The following ADGRA3 variants were observed in gnomAD, a reference collection of about 807,000 sequenced individuals.
ADGRA3 encodes adhesion G protein-coupled receptor A3.
ADGRA3 carries 56 observed loss-of-function variants against 119.8 expected under a neutral mutation model. That is an observed-to-expected ratio of 0.47 (90% CI 0.38 to 0.58). The LOEUF is 0.58. Ranked by LOEUF, ADGRA3 falls within the 20% of genes least tolerant of loss-of-function variation. The pLI is 0.00. For synonymous variants in ADGRA3, 607 were observed against 623.8 expected (o/e 0.97, Z 0.40); for missense variants, 1,516 against 1,649.0 (o/e 0.92, Z 1.40).
rs892833482 is a variant in ADGRA3 at position 22,493,632 on chromosome 4, AG to A, written c.258-19790del. Among the ~76,000 whole-genome samples the A allele has an allele frequency of 3.3e-5, 5 of 152,278 alleles. No homozygotes were observed. The East Asian group carries it at 9.7e-4, about 29-fold the overall frequency. On this transcript the variant is annotated intron_variant, in intron 1 of 18. Coordinates refer to ENST00000334304, the MANE Select transcript of ADGRA3 (RefSeq NM_145290.4). ...GTAAAGCACTAGGACTTTTTACCGAAGGTGGGGCCTAGCAATCTGTTTTAAC... is the reference window on the plus strand; with the variant it reads ...GTAAAGCACTAGGACTTTTTACCGAAGTGGGGCCTAGCAATCTGTTTTAAC...
intron 3 of ADGRA3, among the ~76,000 whole-genome samples, chr4:22,455,543 CAATT>C (rs1252156493): frequency 6.6e-6 from 1 of 152,056 alleles, no homozygotes; most frequent in Admixed American, 6.5e-5. Flanking sequence ...TGATATGGCC[CAATT>C]ATTTTTGCAA....
chr4:22,433,104 C>T (rs190238471), intron 10 of ADGRA3, among the ~76,000 whole-genome samples: 6 of 152,210 alleles, frequency 3.9e-5, no homozygotes, highest in South Asian at 2.1e-4. Context: ...CTGCATCACA[C>T]GCAATATTAT....
At chr4:22,423,524 C>G (rs1000764121) in intron 11 of ADGRA3, among the ~76,000 whole-genome samples, 1 of 152,258 alleles carries the variant, frequency 6.6e-6, no homozygotes, top group African/African-American at 2.4e-5. Flanking sequence ...TATTCACCAC[C>G]TTTTTAGGAC....
intron 12 of ADGRA3, chr4:22,414,378 A>G (rs544872319): frequency 1.3e-4 from 53 of 413,504 alleles, no homozygotes; most frequent in Admixed American, 2.5e-4. Flanking sequence ...AAAAATAATA[A>G]CACATAGGAA....
intron 2 of ADGRA3, among the ~76,000 whole-genome samples, chr4:22,472,495 C>T (rs1717891998): frequency 6.6e-6 from 1 of 152,112 alleles, no homozygotes; most frequent in African/African-American, 2.4e-5. Flanking sequence ...TAAAGTGCTA[C>T]TACCGTGCCA....
intron 16 of ADGRA3, among the ~76,000 whole-genome samples, chr4:22,399,628 AC>A (rs1714526956): frequency 6.6e-6 from 1 of 151,960 alleles, no homozygotes; most frequent in Non-Finnish European, 1.5e-5. Context: ...CCTCTGTTGT[AC>A]ATCAAAGTTC....
intron 15 of ADGRA3, among the ~76,000 whole-genome samples, chr4:22,401,949 G>C (rs1322649306): frequency 6.6e-6 from 1 of 151,982 alleles, no homozygotes; most frequent in African/African-American, 2.4e-5. Context: ...TTGACCCACT[G>C]GCGCAGGTCT....
chr4:22,515,899 G>T lies in ADGRA3; in HGVS notation c.-115C>A. 1.5e-6 allele frequency: 1 copy of T among 678,526 alleles called. No homozygotes were observed. Among genetic ancestry groups the T allele is most frequent in the South Asian group, 6.3e-5 (1 of 15,758 alleles). The allele number at this position is 678,526 out of a possible 1,614,324, so 42.0% of individuals were successfully genotyped here. A position where few individuals can be genotyped will look rare whatever the true frequency, so the allele number is the denominator to read the frequency against. On this transcript the variant is annotated 5_prime_UTR_variant, in exon 1 of 19. Coordinates refer to ENST00000334304, the MANE Select transcript of ADGRA3 (RefSeq NM_145290.4). The stretch of plus-strand genomic sequence containing the variant: ...CCAGCGGCGACCGGAGCCTTATGGC[G>T]GCCGGAGGACGGGCCTTCCCCGGCG...
At chr4:22,485,881 C>A (rs544263075) in intron 1 of ADGRA3, among the ~76,000 whole-genome samples, 1 of 152,324 alleles carries the variant, frequency 6.6e-6, no homozygotes, top group Non-Finnish European at 1.5e-5. Context: ...CCCCTCAGAG[C>A]CAGACTGAGA....
At chr4:22,461,195 G>C (rs1308106973) in intron 3 of ADGRA3, among the ~76,000 whole-genome samples, 1 of 152,208 alleles carries the variant, frequency 6.6e-6, no homozygotes, top group Non-Finnish European at 1.5e-5. Context: ...CGGCAAAGCC[G>C]ACATGGTAAT....
In ADGRA3 at chr4:22,388,266, G is replaced by C. The variant is rs777549706; in HGVS notation, c.3405C>G (p.Thr1135=). 1 of 1,614,000 alleles carries C rather than the reference G, an allele frequency of 6.2e-7. No individual in the cohort carries two copies. Among genetic ancestry groups the C allele is most frequent in the Admixed American group, 1.7e-5 (1 of 60,002 alleles). Residue 1135 remains threonine (T), a synonymous_variant, in exon 19 of 19, where the codon ACC becomes ACG. Coordinates refer to ENST00000334304, the MANE Select transcript of ADGRA3 (RefSeq NM_145290.4). Reference sequence around the variant, plus strand: ...CTGTCAGACTATTATCAAGCTGAGGGGTGGAGTTCAAAGGTAAAGAATTGG... The same window carrying C: ...CTGTCAGACTATTATCAAGCTGAGGCGTGGAGTTCAAAGGTAAAGAATTGG... ...CHANSLPLNS[T]PQLDNSLTEH... is the part of the protein sequence containing the mutation.
chr4:22,413,150 G>T (rs749553063), intron 14 of ADGRA3, 32 bp downstream of exon 14: 1 of 1,464,756 alleles, frequency 6.8e-7, no homozygotes, highest in Non-Finnish European at 9.6e-7. Context: ...ATGTAGAATA[G>T]TGTTTATGCA....
chr4:22,393,010 T>A, intron 16 of ADGRA3: 1 of 199,658 alleles, frequency 5.0e-6, no homozygotes, highest in Admixed American at 5.8e-5. Flanking sequence ...TGTGACATTA[T>A]ACATTAGAGT....
chr4:22,411,415 A>G (rs1216644621), intron 14 of ADGRA3, among the ~76,000 whole-genome samples: 1 of 152,116 alleles, frequency 6.6e-6, no homozygotes, highest in Non-Finnish European at 1.5e-5. Context: ...CCTGGGAAAC[A>G]TGGCAAAACC....
At chr4:22,390,429 G>A (rs538418487) in intron 17 of ADGRA3, among the ~76,000 whole-genome samples, 3 of 9,180 alleles carry the variant, frequency 3.3e-4, no homozygotes, top group Non-Finnish European at 6.2e-4. Flanking sequence ...TATATAATAC[G>A]TATTATATAT....
At chr4:22,460,049 T>C (rs1019847089) in intron 3 of ADGRA3, among the ~76,000 whole-genome samples, 2 of 152,220 alleles carry the variant, frequency 1.3e-5, no homozygotes, top group Non-Finnish European at 2.9e-5. Flanking sequence ...GATACATTCT[T>C]GCACACCTGC....
chr4:22,469,339 G>GAGGCAGAGAGTGTAC (rs1220466833), intron 2 of ADGRA3, among the ~76,000 whole-genome samples: 1 of 152,186 alleles, frequency 6.6e-6, no homozygotes, highest in Non-Finnish European at 1.5e-5. Context: ...TAAGTTACAT[G>GAGGCAGAGAGTGTAC]AGGCAGAGAG....
rs558376664 is a variant in ADGRA3 at position 22,450,212 on chromosome 4, G to T, written c.474-2701C>A. ...AGTCACTGCTCCTGTATCACAATAAGCTCATAGAATGGAGCAGCAGGTAAG... is the reference window on the plus strand; with the variant it reads ...AGTCACTGCTCCTGTATCACAATAATCTCATAGAATGGAGCAGCAGGTAAG... On this transcript the variant is annotated intron_variant, in intron 4 of 18. Transcript: ENST00000334304. Among the ~76,000 whole-genome samples the T allele has an allele frequency of 2.0e-5, 3 of 151,062 alleles. No individual in the cohort carries two copies. The South Asian group carries it at 6.3e-4, about 32-fold the overall frequency.
chr4:22,505,287 C>G (rs1296464517), intron 1 of ADGRA3, among the ~76,000 whole-genome samples: 1 of 152,134 alleles, frequency 6.6e-6, no homozygotes, highest in African/African-American at 2.4e-5. Flanking sequence ...AAAGACCCAC[C>G]AGTCCCTTTG....
Sources: allele counts gnomAD v4.1 joint callset (sites outside exome capture counted in the v4.1 genomes callset), GRCh38; gene constraint gnomAD v4.1.1; transcripts MANE v1.5; gene names NCBI Gene and HGNC (gene_info 2026-07-23, HGNC 2026-07-21).